LHPP: variants seen among roughly 807,000 people sequenced by gnomAD.
LHPP encodes the protein phospholysine phosphohistidine inorganic pyrophosphate phosphatase, also known as hLHPP.
A neutral mutation model predicts 30.3 loss-of-function variants in LHPP; 24 were observed. The ratio of observed to expected loss-of-function variants is 0.79; its 90% CI spans 0.57 to 1.11. LHPP has a LOEUF of 1.11. LHPP is among the 50% of genes most tolerant of loss of function. The pLI, the probability that LHPP is intolerant of heterozygous loss-of-function variation, is 0.00. For missense variants in LHPP, 356 were observed against 367.2 expected, an observed-to-expected ratio of 0.97 and a Z score of 0.25; for synonymous variants, 150 against 157.1, an observed-to-expected ratio of 0.95 and a Z score of 0.34.
At chr10:124,519,006 C>T (rs117823003) in intron 6 of LHPP, among the ~76,000 whole-genome samples, 11,334 of 152,168 alleles carry the variant, frequency 0.074, 644 homozygotes, top group South Asian at 0.25. Flanking sequence ...TACAGAGGTG[C>T]GATCGATCTC....
In LHPP at chr10:124,502,545, A is replaced by C. The variant is rs571914102; in HGVS notation, c.624+4417A>C. Reference sequence around the variant, plus strand: ...ATGCCTGAGTAATTTTTGTTTTTGTATTTTTAGTAGAGATGGGGCTTCACC... The same window carrying C: ...ATGCCTGAGTAATTTTTGTTTTTGTCTTTTTAGTAGAGATGGGGCTTCACC... On this transcript the variant is annotated intron_variant, in intron 5 of 6. Transcript: ENST00000368842. 6.6e-4 allele frequency among the ~76,000 whole-genome samples: 98 copies of C among 147,852 alleles called. 2 individuals are homozygous for C. Among genetic ancestry groups the C allele is most frequent in the African/African-American group, 2.3e-3 (92 of 39,438 alleles).
intron 6 of LHPP, among the ~76,000 whole-genome samples, chr10:124,529,578 G>C (rs890612121): frequency 2.0e-5 from 3 of 152,092 alleles, no homozygotes; most frequent in African/African-American, 7.2e-5. Flanking sequence ...TTGTGCAGAG[G>C]AGTGCTCTAC....
chr10:124,502,562 G>A (rs11245244), intron 5 of LHPP, among the ~76,000 whole-genome samples: 2,841 of 151,158 alleles, frequency 0.019, 95 homozygotes, highest in East Asian at 0.11. Flanking sequence ...GTAGAGATGG[G>A]GCTTCACCAT....
At chr10:124,493,791 A>T (rs535866084) in intron 3 of LHPP, 3 of 152,314 alleles carry the variant, frequency 2.0e-5, no homozygotes, top group South Asian at 4.1e-4. Flanking sequence ...GGGTTAAACC[A>T]GTAACCAGTA....
At chr10:124,578,685 G>C (rs1179816889) in intron 6 of LHPP, among the ~76,000 whole-genome samples, 1 of 152,248 alleles carries the variant, frequency 6.6e-6, no homozygotes, top group Non-Finnish European at 1.5e-5. Flanking sequence ...CATAGGCACA[G>C]TTGCTGGATG....
At chr10:124,598,940 C>T (rs190997749) in intron 6 of LHPP, among the ~76,000 whole-genome samples, 162 of 151,344 alleles carry the variant, frequency 1.1e-3, no homozygotes, top group African/African-American at 3.7e-3. Flanking sequence ...TGTCCATCCC[C>T]GTCCATCCAT....
intron 6 of LHPP, among the ~76,000 whole-genome samples, chr10:124,569,141 G>A (rs1948543843): frequency 6.6e-6 from 1 of 152,228 alleles, no homozygotes; most frequent in African/African-American, 2.4e-5. Flanking sequence ...CATTCCTGCG[G>A]GTAAGGCCCG....
chr10:124,559,224 TATGGGGGTGGCTTCTGGCA>T (rs1246159898), intron 6 of LHPP, among the ~76,000 whole-genome samples: 1 of 152,198 alleles, frequency 6.6e-6, no homozygotes, highest in African/African-American at 2.4e-5. Flanking sequence ...GAGGACACTC[TATGGGGGTGGCTTCTGGCA>T]AAACAGTGCT....
Position 124,527,050 on chromosome 10 carries a change from G to A in LHPP, c.716+9779G>A, listed in dbSNP as rs575648982. On this transcript the variant is annotated intron_variant, in intron 6 of 6. Coordinates refer to ENST00000368842, the MANE Select transcript of LHPP (RefSeq NM_022126.4). ...CTGCTGGATGCCCCCAGGGCTGCCA[G>A]AGCCTGCCCGCCACAGAGCCCCTCT... Among the ~76,000 whole-genome samples the A allele has an allele frequency of 1.9e-3, 285 of 152,276 alleles. 2 individuals carry two copies. The highest frequency in any genetic ancestry group is 2.9e-4 in the Non-Finnish European group (20 of 68,008).
chr10:124,585,025 A>G (rs1564842018), intron 6 of LHPP, among the ~76,000 whole-genome samples: 2 of 152,232 alleles, frequency 1.3e-5, no homozygotes, highest in Non-Finnish European at 2.9e-5. Context: ...TTTTATGTTT[A>G]GATTTGGGTC....
chr10:124,473,690 T>A (rs1292038854), intron 1 of LHPP, among the ~76,000 whole-genome samples: 1 of 152,180 alleles, frequency 6.6e-6, no homozygotes, highest in Non-Finnish European at 1.5e-5. Context: ...AGGCGACTCA[T>A]GCCTGTAATC....
chr10:124,601,844 G>A (rs2134012190), intron 6 of LHPP, among the ~76,000 whole-genome samples: 1 of 152,350 alleles, frequency 6.6e-6, no homozygotes, highest in South Asian at 2.1e-4. Flanking sequence ...TGACCACCAG[G>A]CTGCAGATCC....
At chr10:124,599,687 T>G (rs1308983814) in intron 6 of LHPP, among the ~76,000 whole-genome samples, 1 of 152,252 alleles carries the variant, frequency 6.6e-6, no homozygotes, top group East Asian at 1.9e-4. Flanking sequence ...AAGCCACTTT[T>G]GCTGTCTGGA....
intron 6 of LHPP, among the ~76,000 whole-genome samples, chr10:124,518,098 C>T (rs1437713996): frequency 2.0e-5 from 3 of 152,116 alleles, no homozygotes; most frequent in Non-Finnish European, 4.4e-5. Context: ...GCCCGACCGT[C>T]GCTCTGAAGT....
chr10:124,587,778 A>T (rs1029316545), intron 6 of LHPP, among the ~76,000 whole-genome samples: 1 of 137,694 alleles, frequency 7.3e-6, no homozygotes, highest in African/African-American at 2.7e-5. Flanking sequence ...AAAAAAACCC[A>T]CCCTGAGTTT....
chr10:124,489,332 G>A (rs530238978), intron 3 of LHPP, among the ~76,000 whole-genome samples: 1 of 152,280 alleles, frequency 6.6e-6, no homozygotes, highest in Non-Finnish European at 1.5e-5. Flanking sequence ...CAGCATCGAT[G>A]TCACACTTGA....
At chr10:124,498,660 C>CTTTTTTTTTTTTTTTT (rs552228070) in intron 5 of LHPP, 2 of 354,454 alleles carry the variant, frequency 5.6e-6, no homozygotes, top group Admixed American at 3.8e-5. Context: ...TTTTCTTTTT[C>CTTTTTTTTTTTTTTTT]TTTTTTTTTT....
chr10:124,482,709 C>T (rs1266934078), intron 1 of LHPP, among the ~76,000 whole-genome samples: 1 of 152,116 alleles, frequency 6.6e-6, no homozygotes, highest in Non-Finnish European at 1.5e-5. Context: ...CTCCAGCCTC[C>T]TCTCCCTGCA....
At chr10:124,498,198 G>GC in intron 5 of LHPP, 70 bp downstream of exon 5, 1 of 1,371,814 alleles carries the variant, frequency 7.3e-7, no homozygotes, top group Admixed American at 2.1e-5. Context: ...GCTTGGAATG[G>GC]ATTACAGGAC....
Sources: gnomAD v4.1 joint callset for allele counts (sites outside exome capture counted in the v4.1 genomes callset) on GRCh38, gnomAD v4.1.1 for gene constraint, MANE v1.5 for transcripts, NCBI Gene and HGNC (gene_info 2026-07-23, HGNC 2026-07-21) for gene names.